SLIT3: variants seen among roughly 807,000 people sequenced by gnomAD.
The protein encoded by SLIT3 is slit homolog 3 protein.
SLIT3 carries 68 observed loss-of-function variants against 184.0 expected under a neutral mutation model. The ratio of observed to expected loss-of-function variants is 0.37; its 90% confidence interval spans 0.30 to 0.45. The LOEUF (loss-of-function observed/expected upper bound fraction) is 0.45, where lower values mean the gene tolerates loss of function less well. Among genes scored for constraint, SLIT3 ranks in the 20% least tolerant of loss-of-function variants. SLIT3 has a pLI of 1.00. For missense variants in SLIT3, 1,707 were observed against 2,026.0 expected, an observed-to-expected ratio of 0.84 and a Z score of 3.02; for synonymous variants, 831 against 828.6, an observed-to-expected ratio of 1.00 and a Z score of -0.05.
intron 4 of SLIT3, among the ~76,000 whole-genome samples, chr5:169,068,931 A>T (rs1354034964): frequency 1.3e-5 from 2 of 152,196 alleles, no homozygotes; most frequent in African/African-American, 4.8e-5. Context: ...ATTAAATTTC[A>T]ATTAATATAT....
intron 5 of SLIT3, among the ~76,000 whole-genome samples, chr5:168,850,062 C>A (rs1250291267): frequency 6.6e-6 from 1 of 151,644 alleles, no homozygotes; most frequent in Non-Finnish European, 1.5e-5. Context: ...TAGCTGGGGT[C>A]TTTGAAAAAA....
In SLIT3 at chr5:169,050,478, T is replaced by A. The variant is rs1304296437; in HGVS notation, c.413+143001A>T. ...CCTCTGTTTCTTTGCCACGATTGGG[T>A]CTGTGCCCAGATAATTGGTTCATTC... On this transcript the variant is annotated intron_variant, in intron 4 of 35. Coordinates refer to ENST00000519560, the MANE Select transcript of SLIT3 (RefSeq NM_003062.4). Among the ~76,000 whole-genome samples the A allele has an allele frequency of 3.3e-5, 5 of 152,156 alleles. No homozygotes were observed. In the East Asian group the frequency reaches 9.6e-4, roughly 29 times the overall value.
At chr5:169,178,011 C>G (rs1034782784) in intron 4 of SLIT3, among the ~76,000 whole-genome samples, 1 of 152,224 alleles carries the variant, frequency 6.6e-6, no homozygotes, top group Non-Finnish European at 1.5e-5. Flanking sequence ...AAAAGTACAT[C>G]ATGACAGCAA....
intron 6 of SLIT3, among the ~76,000 whole-genome samples, chr5:168,837,519 C>T (rs934293212): frequency 3.3e-5 from 5 of 152,198 alleles, no homozygotes; most frequent in African/African-American, 9.6e-5. Flanking sequence ...TAAAATACTA[C>T]GTTGTTCAAC....
At chr5:168,722,447 G>T in intron 22 of SLIT3, 120 bp from the exon 23 acceptor site, 1 of 831,188 alleles carries the variant, frequency 1.2e-6, no homozygotes, top group Non-Finnish European at 2.0e-6. Flanking sequence ...TATATTGACA[G>T]AACATCCCCT....
intron 4 of SLIT3, among the ~76,000 whole-genome samples, chr5:169,007,924 CCAAA>C (rs1321402156): frequency 2.6e-5 from 4 of 152,192 alleles, no homozygotes; most frequent in African/African-American, 9.7e-5. Context: ...TTATAGGACA[CCAAA>C]CAGAGATCTC....
Position 169,257,756 on chromosome 5 carries a change from T to C in SLIT3, c.198-6297A>G, listed in dbSNP as rs1286434175. ...TTTTAGTAGAGATGGGGTTTCACCA[T>C]GTTGGCCAGGCTGTTCTCAAACTCC... is the stretch of plus-strand genomic sequence containing the variant. On this transcript the variant is annotated intron_variant, in intron 1 of 35. Transcript: ENST00000519560. 2.0e-5 allele frequency among the ~76,000 whole-genome samples: 3 copies of C among 152,050 alleles called. No homozygotes were observed. The East Asian group carries it at 5.8e-4, about 30-fold the overall frequency.
At chr5:169,065,157 G>A (rs1458916887) in intron 4 of SLIT3, among the ~76,000 whole-genome samples, 1 of 152,194 alleles carries the variant, frequency 6.6e-6, no homozygotes, top group Admixed American at 6.5e-5. Flanking sequence ...AAAATGCTCA[G>A]AGGATTCCTT....
intron 5 of SLIT3, among the ~76,000 whole-genome samples, chr5:168,862,322 T>C (rs907977828): frequency 6.6e-6 from 1 of 152,236 alleles, no homozygotes; most frequent in Non-Finnish European, 1.5e-5. Flanking sequence ...AACTTGTTCA[T>C]GTAACCAAAT....
At chr5:169,146,041 A>G (rs1761912705) in intron 4 of SLIT3, among the ~76,000 whole-genome samples, 1 of 152,024 alleles carries the variant, frequency 6.6e-6, no homozygotes, top group Non-Finnish European at 1.5e-5. Flanking sequence ...ACAGAGCAAT[A>G]CTCTGTCTCA....
intron 12 of SLIT3, among the ~76,000 whole-genome samples, chr5:168,781,319 C>A (rs1044529784): frequency 2.0e-5 from 3 of 152,216 alleles, no homozygotes; most frequent in Admixed American, 1.3e-4. Flanking sequence ...CCCATTCCTT[C>A]CCTCAGGACT....
intron 4 of SLIT3, among the ~76,000 whole-genome samples, chr5:168,962,855 C>A (rs1021421524): frequency 1.1e-4 from 16 of 152,176 alleles, no homozygotes; most frequent in Non-Finnish European, 2.4e-4. Flanking sequence ...TCCTCTCCTT[C>A]CCACTCTTCA....
At chr5:168,760,994 C>A (rs557699107) in intron 15 of SLIT3, 58 bp from the exon 16 acceptor site, 1 of 1,287,710 alleles carries the variant, frequency 7.8e-7, no homozygotes. Flanking sequence ...CTCCTTCCAC[C>A]CCCCATGGCT....
chr5:169,288,301 T>C (rs1229130403), intron 1 of SLIT3, among the ~76,000 whole-genome samples: 1 of 152,256 alleles, frequency 6.6e-6, no homozygotes, highest in Non-Finnish European at 1.5e-5. Context: ...TGCAGAGGCA[T>C]ACTTGAATGC....
At chr5:168,755,386 G>A (rs1308509044) in intron 16 of SLIT3, among the ~76,000 whole-genome samples, 2 of 113,090 alleles carry the variant, frequency 1.8e-5, no homozygotes, top group Non-Finnish European at 4.0e-5. Flanking sequence ...CCTCAGTGCC[G>A]CCATTTCTTT....
chr5:168,722,844 G>A, intron 22 of SLIT3, 89 bp downstream of exon 22: 2 of 1,005,298 alleles, frequency 2.0e-6, no homozygotes, highest in Non-Finnish European at 3.2e-6. Context: ...TTAGGGCAGA[G>A]AAACTAGTCC....
intron 21 of SLIT3, among the ~76,000 whole-genome samples, chr5:168,723,727 T>C (rs1472814516): frequency 2.0e-5 from 3 of 152,214 alleles, no homozygotes; most frequent in Non-Finnish European, 4.4e-5. Flanking sequence ...GGGATAAACA[T>C]CCAGAGCTGT....
chr5:169,280,990 C>T (rs1167267779), intron 1 of SLIT3, among the ~76,000 whole-genome samples: 5 of 152,118 alleles, frequency 3.3e-5, no homozygotes, highest in Middle Eastern at 3.4e-3. Flanking sequence ...AACATAATGT[C>T]AAATGGCAGC....
chr5:169,147,055 T>C (rs1761949564), intron 4 of SLIT3, among the ~76,000 whole-genome samples: 2 of 152,220 alleles, frequency 1.3e-5, no homozygotes, highest in Admixed American at 1.3e-4. Flanking sequence ...TTGTCTGTCA[T>C]ACTGGATTGA....
Sources: gnomAD v4.1 joint callset for allele counts (sites outside exome capture counted in the v4.1 genomes callset) on GRCh38, gnomAD v4.1.1 for gene constraint, MANE v1.5 for transcripts, NCBI Gene and HGNC (gene_info 2026-07-23, HGNC 2026-07-21) for gene names.